ACER3: variants seen among roughly 807,000 people sequenced by gnomAD.
ACER3 encodes alkCDase 3.
Under a neutral mutation model 48.9 loss-of-function variants are expected in ACER3, and 16 were observed. The observed-to-expected ratio is 0.33, with a 90% CI of 0.22 to 0.50. The LOEUF is 0.50. ACER3 is among the 20% of genes least tolerant of loss of function. The pLI is 0.98. For missense variants in ACER3, 227 were observed against 326.0 expected (o/e 0.70, Z 2.34); for synonymous variants, 109 against 107.8 (o/e 1.01, Z -0.07).
chr11:76,960,811 T>C (rs1395412269), intron 3 of ACER3, among the ~76,000 whole-genome samples: 1 of 152,130 alleles, frequency 6.6e-6, no homozygotes, highest in East Asian at 1.9e-4. Context: ...AAGGTATCCA[T>C]GCAAAGGGGA....
chr11:76,865,899 C>G (rs1945073663), intron 1 of ACER3, among the ~76,000 whole-genome samples: 1 of 151,776 alleles, frequency 6.6e-6, no homozygotes, highest in South Asian at 2.1e-4. Context: ...TCACTGCAAC[C>G]TGTGCCTCCT....
rs71040037 is a variant in ACER3 at position 76,875,732 on chromosome 11, G to GTTTTTT, written c.103+14672_103+14677dup. ...TTCAATGTAATACACAGTTTTTGTT[G>GTTTTTT]TTTTTTTTTTTTTTTTTTTTTTTTG... On this transcript the variant is annotated intron_variant, in intron 1 of 10. Transcript: ENST00000532485. Among the ~76,000 whole-genome samples the GTTTTTT allele has an allele frequency of 4.1e-3, 278 of 67,074 alleles. 13 individuals carry two copies. Among genetic ancestry groups the GTTTTTT allele is most frequent in the African/African-American group, 7.9e-3 (140 of 17,768 alleles). 44.0% of individuals were successfully genotyped at this position (67,074 alleles called of 152,430 possible).
At chr11:76,981,487 A>G (rs1948582427) in intron 4 of ACER3, among the ~76,000 whole-genome samples, 1 of 152,252 alleles carries the variant, frequency 6.6e-6, no homozygotes, top group Non-Finnish European at 1.5e-5. Context: ...AAGAAAGAGA[A>G]ACAGAACATT....
At chr11:76,881,092 A>C (rs1424431802) in intron 1 of ACER3, among the ~76,000 whole-genome samples, 2 of 151,972 alleles carry the variant, frequency 1.3e-5, no homozygotes, top group Non-Finnish European at 2.9e-5. Context: ...TCATCTCTAC[A>C]AAAATAAAAG....
intron 7 of ACER3, among the ~76,000 whole-genome samples, chr11:77,014,748 T>C (rs889430711): frequency 6.6e-6 from 1 of 152,216 alleles, no homozygotes; most frequent in Non-Finnish European, 1.5e-5. Context: ...TTCCTTCTCA[T>C]GAAAGTGATG....
intron 3 of ACER3, among the ~76,000 whole-genome samples, chr11:76,969,834 T>C (rs1198173303): frequency 6.7e-6 from 1 of 149,380 alleles, no homozygotes; most frequent in Non-Finnish European, 1.5e-5. Flanking sequence ...TTAGGAGATA[T>C]ACCTAATGCT....
intron 3 of ACER3, among the ~76,000 whole-genome samples, chr11:76,971,417 A>G (rs4944131): frequency 0.73 from 110,935 of 151,804 alleles, 40,841 homozygotes; most frequent in Non-Finnish European, 0.77. Flanking sequence ...GCACGCGCCC[A>G]CAGTCCCAGC....
intron 2 of ACER3, among the ~76,000 whole-genome samples, chr11:76,950,694 C>G (rs1028643245): frequency 2.6e-5 from 4 of 151,720 alleles, no homozygotes; most frequent in Non-Finnish European, 5.9e-5. Flanking sequence ...TCTTGAAGTC[C>G]TGGGCTCAAG....
intron 3 of ACER3, among the ~76,000 whole-genome samples, chr11:76,970,352 C>T (rs896859626): frequency 2.0e-5 from 3 of 152,158 alleles, no homozygotes; most frequent in African/African-American, 7.2e-5. Context: ...CTCTGATACT[C>T]TTGCCAAACA....
At chr11:76,921,872 A>G (rs1325220870) in intron 1 of ACER3, among the ~76,000 whole-genome samples, 1 of 152,192 alleles carries the variant, frequency 6.6e-6, no homozygotes, top group African/African-American at 2.4e-5. Flanking sequence ...ATTTGAAGAT[A>G]GCAGTCATTC....
chr11:76,932,379 A>ATATAT (rs1220455551), intron 2 of ACER3, among the ~76,000 whole-genome samples: 17 of 152,208 alleles, frequency 1.1e-4, no homozygotes, highest in Middle Eastern at 3.2e-3. Flanking sequence ...GTCAGATTCT[A>ATATAT]CCTTAGATTA....
At chr11:77,000,153 A>G (rs1318316639) in intron 7 of ACER3, among the ~76,000 whole-genome samples, 2 of 152,060 alleles carry the variant, frequency 1.3e-5, no homozygotes, top group Non-Finnish European at 2.9e-5. Flanking sequence ...AGTTTTTTAT[A>G]ATTTGCATTT....
intron 7 of ACER3, among the ~76,000 whole-genome samples, chr11:77,007,644 GAGGGAAAAC>G (rs1949181921): frequency 2.0e-5 from 3 of 152,220 alleles, no homozygotes; most frequent in Admixed American, 2.0e-4. Flanking sequence ...TCCCACTAGG[GAGGGAAAAC>G]AGTGTCTCAT....
At chr11:76,872,147 G>A (rs1026519519) in intron 1 of ACER3, among the ~76,000 whole-genome samples, 2 of 151,368 alleles carry the variant, frequency 1.3e-5, no homozygotes, top group Non-Finnish European at 2.9e-5. Context: ...CACCACCTTG[G>A]CTCACTGCAA....
intron 2 of ACER3, chr11:76,955,301 T>C: frequency 6.6e-6 from 1 of 152,160 alleles, no homozygotes; most frequent in Non-Finnish European, 1.5e-5. Flanking sequence ...TGTATATGAG[T>C]GTTCACATAT....
intron 7 of ACER3, among the ~76,000 whole-genome samples, chr11:77,012,648 T>G (rs1555022422): frequency 6.6e-6 from 1 of 152,146 alleles, no homozygotes; most frequent in Non-Finnish European, 1.5e-5. Context: ...GTACAGTTTT[T>G]TTGTTGAGAG....
At chr11:76,913,085 C>T (rs929448557) in intron 1 of ACER3, among the ~76,000 whole-genome samples, 1 of 152,076 alleles carries the variant, frequency 6.6e-6, no homozygotes, top group African/African-American at 2.4e-5. Flanking sequence ...GGTCCTTCAC[C>T]TCCCTTGTAA....
intron 1 of ACER3, among the ~76,000 whole-genome samples, chr11:76,869,641 G>A (rs1037480957): frequency 1.7e-4 from 25 of 149,270 alleles, no homozygotes; most frequent in African/African-American, 5.0e-4. Flanking sequence ...ACAACTCCCC[G>A]TTTTCTCCTC....
At chr11:76,967,757 G>A (rs113064825) in intron 3 of ACER3, among the ~76,000 whole-genome samples, 66 of 152,276 alleles carry the variant, frequency 4.3e-4, no homozygotes, top group African/African-American at 1.4e-3. Flanking sequence ...CGTGCTAAAA[G>A]CTCTCAATAA....
Sources: gnomAD v4.1 joint callset for allele counts (sites outside exome capture counted in the v4.1 genomes callset) on GRCh38, gnomAD v4.1.1 for gene constraint, MANE v1.5 for transcripts, NCBI Gene and HGNC (gene_info 2026-07-23, HGNC 2026-07-21) for gene names.